The following COL5A1 variants were observed in gnomAD, a reference collection of about 807,000 sequenced individuals.
COL5A1 encodes collagen alpha-1(V) chain.
In COL5A1, 16 loss-of-function variants were observed where a neutral mutation model predicts 263.7. The observed-to-expected ratio is 0.06, with a 90% CI of 0.04 to 0.09. The LOEUF is 0.09. Among genes scored for constraint, COL5A1 ranks in the 10% least tolerant of loss-of-function variants. The pLI, the probability that COL5A1 is intolerant of heterozygous loss-of-function variation, is 1.00. For synonymous variants in COL5A1, 1,012 were observed against 1,004.5 expected (o/e 1.01, Z -0.14); for missense variants, 2,036 against 2,540.5 (o/e 0.80, Z 4.27).
At chr9:134,671,851 G>A (rs538337127) in intron 1 of COL5A1, among the ~76,000 whole-genome samples, 4 of 152,352 alleles carry the variant, frequency 2.6e-5, no homozygotes, top group Middle Eastern at 3.4e-3. Context: ...AGTGCTGTCC[G>A]ATGCCAGGGC....
intron 9 of COL5A1, among the ~76,000 whole-genome samples, chr9:134,735,458 G>T (rs973135647): frequency 6.6e-6 from 1 of 152,122 alleles, no homozygotes; most frequent in African/African-American, 2.4e-5. Flanking sequence ...TTTTGAGAGT[G>T]GCGTCCGTGG....
At chr9:134,735,912 C>G (rs531182495) in intron 9 of COL5A1, among the ~76,000 whole-genome samples, 3 of 152,266 alleles carry the variant, frequency 2.0e-5, no homozygotes, top group Non-Finnish European at 2.9e-5. Flanking sequence ...GGTGTTCCCC[C>G]CAACCGGGAG....
At chr9:134,778,405 TG>T (rs1564452946) in intron 27 of COL5A1, among the ~76,000 whole-genome samples, 1 of 152,250 alleles carries the variant, frequency 6.6e-6, no homozygotes, top group East Asian at 1.9e-4. Flanking sequence ...GCGGCTTGGC[TG>T]GTCGTTCCCA....
At chr9:134,654,213 T>TG (rs1393317665) in intron 1 of COL5A1, among the ~76,000 whole-genome samples, 1 of 114,678 alleles carries the variant, frequency 8.7e-6, no homozygotes, top group Non-Finnish European at 1.8e-5. Flanking sequence ...TTTGTAGAGC[T>TG]GGTGTGTGTA....
intron 25 of COL5A1, among the ~76,000 whole-genome samples, 163 bp from the exon 26 acceptor site, chr9:134,772,627 C>A (rs924281189): frequency 6.6e-6 from 1 of 152,258 alleles, no homozygotes; most frequent in African/African-American, 2.4e-5. Context: ...CCGGGCTGTG[C>A]TTGGCTGCCT....
chr9:134,823,131 G>T lies in COL5A1; in HGVS notation c.4644+98G>T, dbSNP rs1839091054. 9 of 1,386,840 alleles carry T rather than the reference G, an allele frequency of 6.5e-6. No individual in the cohort carries two copies. In the South Asian group the frequency reaches 8.2e-5, roughly 13 times the overall value. 85.9% of individuals were successfully genotyped at this position (1,386,840 alleles called of 1,614,324 possible). On this transcript the variant is annotated intron_variant, in intron 60 of 65. Coordinates refer to ENST00000371817, the MANE Select transcript of COL5A1 (RefSeq NM_000093.5). The stretch of plus-strand genomic sequence containing the variant: ...ACAAACTACCCAGACAACCGTCCTA[G>T]CTCAGGCCCTGCTGCTCACGATCCT...
chr9:134,769,215 TA>T (rs1836788130), intron 25 of COL5A1, among the ~76,000 whole-genome samples: 7 of 152,224 alleles, frequency 4.6e-5, no homozygotes, highest in Admixed American at 4.6e-4. Context: ...ACAAGGAAGT[TA>T]AATATGTTGA....
At position 134,813,953 on chromosome 9, in the gene COL5A1, C is replaced by A. The variant is rs1323991439; in HGVS notation, c.3853-30C>A. Reference sequence around the variant, plus strand: ...ACTGCGTTCATCGCGGTGCTCACCGCTGCCATAACCACATGCACTGTCTCC... The same window carrying A: ...ACTGCGTTCATCGCGGTGCTCACCGATGCCATAACCACATGCACTGTCTCC... On this transcript the variant is annotated intron_variant, in intron 48 of 65. Transcript: ENST00000371817. 5 of 1,550,340 alleles carry A rather than the reference C, an allele frequency of 3.2e-6. No homozygotes were observed. The Admixed American group carries it at 5.9e-5, about 18-fold the overall frequency.
intron 37 of COL5A1, among the ~76,000 whole-genome samples, 160 bp from the exon 38 acceptor site, chr9:134,801,794 A>G (rs1280490955): frequency 6.6e-6 from 1 of 151,386 alleles, no homozygotes; most frequent in African/African-American, 2.4e-5. Context: ...ATCTGAAAAA[A>G]AAAAAAATGA....
At chr9:134,684,901 C>G (rs1171166864) in intron 1 of COL5A1, among the ~76,000 whole-genome samples, 1 of 151,678 alleles carries the variant, frequency 6.6e-6, no homozygotes, top group Non-Finnish European at 1.5e-5. Context: ...CATCCACCAT[C>G]TATCCATTCA....
chr9:134,647,066 C>T lies in COL5A1; in HGVS notation c.109+4770C>T, dbSNP rs548327058. Among the ~76,000 whole-genome samples the T allele has an allele frequency of 2.3e-4, 35 of 152,310 alleles. No individual in the cohort carries two copies. The highest frequency in any genetic ancestry group is 7.9e-4 in the African/African-American group (33 of 41,562). The stretch of plus-strand genomic sequence containing the variant: ...CTGTGTGGGGACGTTACCATCGCCC[C>T]CATCTTCAGTGGTGGTTTTGCAGGA... On this transcript the variant is annotated intron_variant, in intron 1 of 65. Coordinates refer to ENST00000371817, the MANE Select transcript of COL5A1 (RefSeq NM_000093.5). This position sits in a 1 kb window ranked among gnomAD's most constrained non-coding sequence, Gnocchi z 5.0.
intron 42 of COL5A1, 124 bp from the exon 43 acceptor site, chr9:134,809,059 G>C: frequency 1.2e-6 from 1 of 855,660 alleles, no homozygotes. Context: ...TTAGGACTGT[G>C]GGGACGGTCA....
rs1832869638 is a variant in COL5A1, at chr9:134,681,889, C to T, written c.110-9023C>T. ...TTCCTCGCTCTTCCTCTCTTTCTCT[C>T]TCTGTCTCTCCCTCTCTCTTTCTGT... On this transcript the variant is annotated intron_variant, in intron 1 of 65. Transcript: ENST00000371817. This position sits in a 1 kb window ranked among gnomAD's most constrained non-coding sequence, Gnocchi z 4.3. 6.6e-6 allele frequency among the ~76,000 whole-genome samples: 1 copy of T among 152,128 alleles called. No individual in the cohort carries two copies. Among genetic ancestry groups the T allele is most frequent in the Non-Finnish European group, 1.5e-5 (1 of 68,012 alleles).
intron 65 of COL5A1, among the ~76,000 whole-genome samples, chr9:134,837,085 G>A (rs979444802): frequency 7.9e-5 from 12 of 152,332 alleles, no homozygotes; most frequent in Middle Eastern, 3.4e-3. Context: ...TCGGAATCGT[G>A]TCTGACCCAC....
intron 18 of COL5A1, among the ~76,000 whole-genome samples, chr9:134,760,703 ACACC>A (rs1165432554): frequency 3.8e-5 from 5 of 131,668 alleles, no homozygotes; most frequent in African/African-American, 1.5e-4. Flanking sequence ...ATGCACACAC[ACACC>A]CACACACCCA....
intron 20 of COL5A1, 32 bp downstream of exon 20, chr9:134,763,769 G>A: frequency 1.2e-6 from 2 of 1,606,184 alleles, no homozygotes; most frequent in Non-Finnish European, 1.7e-6. Context: ...GACGGTGGGG[G>A]CTCAGTGTGG....
intron 1 of COL5A1, among the ~76,000 whole-genome samples, chr9:134,648,531 C>G (rs1361033581): frequency 6.6e-6 from 1 of 152,076 alleles, no homozygotes; most frequent in Non-Finnish European, 1.5e-5. Context: ...CCACCCTGTG[C>G]CTCACTTTCC....
At position 134,731,965 on chromosome 9, in the gene COL5A1, G is replaced by A. The variant is rs1014967837; in HGVS notation, c.1333-106G>A. The A allele has an allele frequency of 1.7e-5, 22 of 1,314,974 alleles. No homozygotes were observed. In the African/African-American group the frequency reaches 1.9e-4, roughly 11 times the overall value. The allele number at this position is 1,314,974 out of a possible 1,614,324, so 81.5% of individuals were successfully genotyped here. ...TGGGCCTGGGGAGATGCCCAGCTAC[G>A]ATAGTGCCCTCGGCCTTGCGAAATC... is the stretch of plus-strand genomic sequence containing the variant. On this transcript the variant is annotated intron_variant, in intron 8 of 65. Coordinates refer to ENST00000371817, the MANE Select transcript of COL5A1 (RefSeq NM_000093.5).
intron 9 of COL5A1, among the ~76,000 whole-genome samples, chr9:134,736,008 C>T (rs1413427160): frequency 1.3e-5 from 2 of 151,910 alleles, no homozygotes; most frequent in African/African-American, 2.4e-5. Context: ...CCCCCCCAGC[C>T]GGGAGTCCCC....
Sources: allele counts gnomAD v4.1 joint callset (sites outside exome capture counted in the v4.1 genomes callset), GRCh38; gene constraint gnomAD v4.1.1; non-coding constraint Gnocchi (gnomAD v3.1); transcripts MANE v1.5; gene names NCBI Gene and HGNC (gene_info 2026-07-23, HGNC 2026-07-21).